The following PRSS23 variants were observed in gnomAD, a reference collection of about 807,000 sequenced individuals.
PRSS23 encodes the protein serine protease 23.
PRSS23 carries 25 observed loss-of-function variants against 34.7 expected under a neutral mutation model. That is an observed-to-expected ratio of 0.72 (90% CI 0.53 to 1.01). The LOEUF (loss-of-function observed/expected upper bound fraction) is 1.01, where lower values mean the gene tolerates loss of function less well. Ranked by LOEUF, PRSS23 falls within the 50% of genes least tolerant of loss-of-function variation. The pLI is 0.00. For missense variants in PRSS23, 445 were observed against 475.6 expected (o/e 0.94, Z 0.60); for synonymous variants, 176 against 186.6 (o/e 0.94, Z 0.46).
intron 2 of PRSS23, among the ~76,000 whole-genome samples, chr11:86,885,192 C>A (rs1948794644): frequency 6.6e-6 from 1 of 152,168 alleles, no homozygotes; most frequent in African/African-American, 2.4e-5. Context: ...ATTTCTATCA[C>A]CATCAGTGAC....
intron 1 of PRSS23, among the ~76,000 whole-genome samples, chr11:86,807,300 C>T (rs778582878): frequency 6.6e-5 from 10 of 152,116 alleles, no homozygotes; most frequent in African/African-American, 9.7e-5. Flanking sequence ...CTCAAAATTA[C>T]GTGGAAATTG....
At chr11:86,870,271 C>CAAG (rs386374390) in intron 2 of PRSS23, among the ~76,000 whole-genome samples, 4 of 151,056 alleles carry the variant, frequency 2.6e-5, no homozygotes, top group African/African-American at 9.8e-5. Context: ...AAAACAACAA[C>CAAG]AAAACCTACC....
At chr11:86,944,567 C>A (rs954624873) in intron 2 of PRSS23, among the ~76,000 whole-genome samples, 4 of 152,166 alleles carry the variant, frequency 2.6e-5, no homozygotes, top group Non-Finnish European at 5.9e-5. Flanking sequence ...CTTCTCCACT[C>A]TAAAGGAAGG....
intron 1 of PRSS23, among the ~76,000 whole-genome samples, chr11:86,816,569 T>G (rs1453860188): frequency 3.3e-5 from 5 of 152,208 alleles, no homozygotes; most frequent in Admixed American, 2.0e-4. Flanking sequence ...CCACCCCCAG[T>G]TCCCTGATGG....
chr11:86,939,415 T>TAA (rs1374136615), intron 2 of PRSS23, among the ~76,000 whole-genome samples: 1 of 85,644 alleles, frequency 1.2e-5, no homozygotes, highest in Non-Finnish European at 2.8e-5. Flanking sequence ...TATATATATA[T>TAA]ATATATATAT....
intron 2 of PRSS23, among the ~76,000 whole-genome samples, chr11:86,907,366 G>C (rs1255338231): frequency 6.6e-6 from 1 of 152,104 alleles, no homozygotes; most frequent in East Asian, 1.9e-4. Flanking sequence ...CAAAATGTTA[G>C]CAGTGGTGTT....
At chr11:86,834,505 A>G (rs1447332517) in intron 2 of PRSS23, among the ~76,000 whole-genome samples, 2 of 129,802 alleles carry the variant, frequency 1.5e-5, no homozygotes, top group Non-Finnish European at 3.3e-5. Context: ...ATTCCCTTCT[A>G]TTTTCCTTTC....
chr11:86,879,778 G>A (rs1948758745), intron 2 of PRSS23, among the ~76,000 whole-genome samples: 2 of 113,750 alleles, frequency 1.8e-5, no homozygotes, highest in Non-Finnish European at 1.9e-5. Context: ...AGGTGGGGGG[G>A]TCAGCCCCCT....
intron 2 of PRSS23, among the ~76,000 whole-genome samples, chr11:86,878,922 C>A (rs534180578): frequency 1.3e-3 from 183 of 140,406 alleles, no homozygotes; most frequent in African/African-American, 4.8e-3. Flanking sequence ...GGCCGCCATC[C>A]CGTCTAGGAA....
At chr11:86,932,893 G>A (rs1359512514) in intron 2 of PRSS23, 1 of 152,114 alleles carries the variant, frequency 6.6e-6, no homozygotes, top group Non-Finnish European at 1.5e-5. Context: ...TCACTGTTGT[G>A]GCTTCTCTCG....
chr11:86,876,104 C>T lies in PRSS23; in HGVS notation c.206+52511C>T, dbSNP rs749665572. On this transcript the variant is annotated intron_variant, in intron 2 of 2. Coordinates refer to the PRSS23 transcript ENST00000533902. Reference sequence around the variant, plus strand: ...CACACAGTGCAATGCAATTAATAACCCTGCCTGAAAGACTGAGTGTGAGAA... The same window carrying T: ...CACACAGTGCAATGCAATTAATAACTCTGCCTGAAAGACTGAGTGTGAGAA... Among the ~76,000 whole-genome samples, 5 of 152,176 alleles carry T rather than the reference C, an allele frequency of 3.3e-5. No individual in the cohort carries two copies. The Middle Eastern group carries it at 0.01, about 311-fold the overall frequency.
chr11:86,812,112 A>G (rs1362715451), downstream of PRSS23, among the ~76,000 whole-genome samples: 1 of 152,222 alleles, frequency 6.6e-6, no homozygotes, highest in East Asian at 1.9e-4. Context: ...GCTATGACTA[A>G]TGAAGCTGGG....
intron 2 of PRSS23, chr11:86,833,317 G>A (rs1220435024): frequency 1.5e-6 from 2 of 1,298,678 alleles, no homozygotes; most frequent in Non-Finnish European, 2.2e-6. Flanking sequence ...AGAGCTGACG[G>A]CCAGGATAAT....
rs1203926495 is a variant in PRSS23, at chr11:86,808,640, G to A, written c.997G>A (p.Glu333Lys). ...GTGGAAGAGACAGCAGCAGAAGTGG[G>A]AGCGAAAAATTATTGGCATTTTTTC... ...RMWKRQQQKW[E>K]RKIIGIFSGH... The change falls in exon 2 of 2, where the codon GAG becomes AAG. Residue 333 changes from glutamate to lysine, a missense_variant. By Grantham distance (56) the Glu-to-Lys change is moderately conservative. Transcript: ENST00000280258. 3 of 1,614,062 alleles carry A rather than the reference G, an allele frequency of 1.9e-6. No homozygotes were observed. Among genetic ancestry groups the A allele is most frequent in the Admixed American group, 1.7e-5 (1 of 60,006 alleles).
In PRSS23 at chr11:86,827,968, C is replaced by G. The variant is rs554160964; in HGVS notation, c.206+4375C>G. Among the ~76,000 whole-genome samples, 5 of 152,264 alleles carry G rather than the reference C, an allele frequency of 3.3e-5. No homozygotes were observed. The South Asian group carries it at 8.3e-4, about 25-fold the overall frequency. ...TGTGGTGCTGAGAAAAATGTATATT[C>G]TGTTGATTTGGGGTGGAGAGTTCTG... On this transcript the variant is annotated intron_variant, in intron 2 of 2. Transcript: ENST00000533902.
At chr11:86,821,264 C>G in intron 1 of PRSS23, 1 of 523,746 alleles carries the variant, frequency 1.9e-6, no homozygotes, top group Non-Finnish European at 3.2e-6. Context: ...AATCCGATGA[C>G]ACAAAAATGT....
At chr11:86,851,082 G>C (rs903659299) in intron 2 of PRSS23, among the ~76,000 whole-genome samples, 23 of 152,214 alleles carry the variant, frequency 1.5e-4, no homozygotes, top group South Asian at 2.1e-4. Flanking sequence ...TTGCCATACA[G>C]ATAAGTAGAA....
chr11:86,866,393 G>A (rs985967185), intron 2 of PRSS23, among the ~76,000 whole-genome samples: 40 of 152,168 alleles, frequency 2.6e-4, no homozygotes, highest in Non-Finnish European at 7.3e-5. Context: ...AGTGCATGCA[G>A]GGTAAAATGA....
chr11:86,850,589 C>G (rs992821966), intron 2 of PRSS23, among the ~76,000 whole-genome samples: 1 of 152,088 alleles, frequency 6.6e-6, no homozygotes, highest in Admixed American at 6.5e-5. Flanking sequence ...GTTTTCTTCC[C>G]CAAGAAAGCT....
Sources: allele counts gnomAD v4.1 joint callset (sites outside exome capture counted in the v4.1 genomes callset), GRCh38; gene constraint gnomAD v4.1.1; transcripts MANE v1.5; gene names NCBI Gene and HGNC (gene_info 2026-07-23, HGNC 2026-07-21).